Variants in PTGER4 observed in about 807,000 individuals in gnomAD.
PTGER4 encodes prostaglandin E2 receptor EP4 subtype.
A neutral mutation model predicts 33.2 loss-of-function variants in PTGER4; 11 were observed. The observed-to-expected ratio is 0.33, with a 90% confidence interval of 0.21 to 0.55. The LOEUF is 0.55. PTGER4 is among the 20% of genes least tolerant of loss of function. PTGER4 has a pLI of 0.92. For synonymous variants in PTGER4, 275 were observed against 281.5 expected, an observed-to-expected ratio of 0.98 and a Z score of 0.23; for missense variants, 481 against 650.2, an observed-to-expected ratio of 0.74 and a Z score of 2.83.
chr5:40,697,070 A>AAAGG (rs1237270035), downstream of PTGER4, among the ~76,000 whole-genome samples: 4 of 77,496 alleles, frequency 5.2e-5, no homozygotes, highest in East Asian at 7.3e-4. Flanking sequence ...GAAAAGAAAG[A>AAAGG]AAGGAAGGAA....
chr5:40,693,303 G>A lies in PTGER4; in HGVS notation c.*925G>A. On this transcript the variant is annotated 3_prime_UTR_variant, in exon 3 of 3. Transcript: ENST00000302472. ...CTTTAATAAATAACCCATAATTGAAGTGTATAATATAAAAAATTTTAAAAA... is the reference window on the plus strand; with the variant it reads ...CTTTAATAAATAACCCATAATTGAAATGTATAATATAAAAAATTTTAAAAA... The A allele has an allele frequency of 1.0e-6, 1 of 971,046 alleles. No homozygotes were observed. Among genetic ancestry groups the A allele is most frequent in the Non-Finnish European group, 1.2e-6 (1 of 816,772 alleles). 60.2% of individuals were successfully genotyped at this position (971,046 alleles called of 1,614,324 possible).
rs1246813860 is a variant in PTGER4 at position 40,691,961 on chromosome 5, C to A, written c.1050C>A (p.Arg350=). ...AGAAGATCAAATGCCTCTTCTGCCG[C>A]ATTGGCGGGTCCCGCAGGGAGCGCT... is the stretch of plus-strand genomic sequence containing the variant. ...AIEKIKCLFC[R]IGGSRRERSG... The change falls in exon 3 of 3, where the codon CGC becomes CGA. Residue 350 remains arginine (R), a synonymous_variant. Coordinates refer to ENST00000302472, the MANE Select transcript of PTGER4 (RefSeq NM_000958.3). The surrounding 1 kb of genome is among the most constrained non-coding windows in gnomAD (Gnocchi z 4.2). The A allele has an allele frequency of 1.2e-6, 2 of 1,614,202 alleles. No individual in the cohort carries two copies. The highest frequency in any genetic ancestry group is 2.2e-5 in the South Asian group (2 of 91,084).
downstream of PTGER4, chr5:40,696,771 T>C (rs1741589843): frequency 1.1e-6 from 1 of 908,296 alleles, no homozygotes; most frequent in South Asian, 5.1e-5. Flanking sequence ...TAGGTAAGTA[T>C]TTCTCTTTCT....
At position 40,691,421 on chromosome 5, in the gene PTGER4, C is replaced by G. The variant is rs1225150097; in HGVS notation, c.868-358C>G. Among the ~76,000 whole-genome samples the G allele has an allele frequency of 2.0e-5, 3 of 152,216 alleles. No individual in the cohort carries two copies. The highest frequency in any genetic ancestry group is 1.3e-4 in the Admixed American group (2 of 15,284). On this transcript the variant is annotated intron_variant, in intron 2 of 2. Coordinates refer to ENST00000302472, the MANE Select transcript of PTGER4 (RefSeq NM_000958.3). The surrounding 1 kb of genome is among the most constrained non-coding windows in gnomAD (Gnocchi z 4.2). ...GTTCTCAATCTCTTGACCTAGTGATCCGCCTACCTCGGCCTACCAAAATGC... is the reference window on the plus strand; with the variant it reads ...GTTCTCAATCTCTTGACCTAGTGATGCGCCTACCTCGGCCTACCAAAATGC...
chr5:40,744,396 A>C, the PTGER4 span, among the ~76,000 whole-genome samples: 7 of 152,212 alleles, frequency 4.6e-5, no homozygotes, highest in African/African-American at 1.4e-4. Flanking sequence ...TCAAAAATAA[A>C]AACAGACCTA....
At chr5:40,725,785 T>C in the PTGER4 span, among the ~76,000 whole-genome samples, 23 of 95,128 alleles carry the variant, frequency 2.4e-4, no homozygotes, top group African/African-American at 7.8e-4. Context: ...TCTCTTCAGC[T>C]TTTTTTTTTT....
At chr5:40,712,705 A>G in the PTGER4 span, among the ~76,000 whole-genome samples, 2 of 152,190 alleles carry the variant, frequency 1.3e-5, no homozygotes, top group Admixed American at 6.5e-5. Flanking sequence ...AGAGGCTAGC[A>G]TGCCCAGTTC....
the PTGER4 span, among the ~76,000 whole-genome samples, chr5:40,732,711 C>T: frequency 2.4e-4 from 37 of 152,010 alleles, no homozygotes; most frequent in Non-Finnish European, 4.4e-4. Flanking sequence ...CAGGTTCAAG[C>T]GATTCTCCTG....
the PTGER4 span, among the ~76,000 whole-genome samples, chr5:40,738,360 A>G: frequency 6.6e-6 from 1 of 151,702 alleles, no homozygotes. Flanking sequence ...GGTTGCAGTG[A>G]GCTGAGATCA....
At chr5:40,709,359 A>G in the PTGER4 span, among the ~76,000 whole-genome samples, 2 of 152,198 alleles carry the variant, frequency 1.3e-5, no homozygotes, top group Admixed American at 1.3e-4. Flanking sequence ...ATCAATGTGC[A>G]AAAATCACAA....
At chr5:40,739,932 G>A in the PTGER4 span, among the ~76,000 whole-genome samples, 1 of 151,762 alleles carries the variant, frequency 6.6e-6, no homozygotes, top group Non-Finnish European at 1.5e-5. Flanking sequence ...TACTACAAAT[G>A]GTGCTTTTTT....
chr5:40,709,353 A>C, the PTGER4 span, among the ~76,000 whole-genome samples: 1 of 152,218 alleles, frequency 6.6e-6, no homozygotes, highest in Non-Finnish European at 1.5e-5. Context: ...TACAAAATCA[A>C]TGTGCAAAAA....
intron 2 of PTGER4, chr5:40,685,571 T>A: frequency 4.1e-6 from 2 of 489,546 alleles, no homozygotes; most frequent in Non-Finnish European, 5.3e-6. Flanking sequence ...AAGGAAGTTT[T>A]AAATCATAAC....
chr5:40,731,596 T>C, the PTGER4 span, among the ~76,000 whole-genome samples: 1 of 152,156 alleles, frequency 6.6e-6, no homozygotes, highest in Non-Finnish European at 1.5e-5. Flanking sequence ...TATAAATCCA[T>C]AAGATCTCGT....
chr5:40,716,285 C>G, the PTGER4 span: 1 of 1,614,218 alleles, frequency 6.2e-7, no homozygotes, highest in Non-Finnish European at 8.5e-7. Flanking sequence ...TCAGCAATAG[C>G]TGCACAAACA....
chr5:40,720,113 T>C, the PTGER4 span, among the ~76,000 whole-genome samples: 9 of 152,322 alleles, frequency 5.9e-5, no homozygotes, highest in Admixed American at 1.3e-4. Context: ...AATATTAATA[T>C]ATTGCTGAGT....
At chr5:40,713,847 C>G in the PTGER4 span, among the ~76,000 whole-genome samples, 1 of 152,088 alleles carries the variant, frequency 6.6e-6, no homozygotes. Flanking sequence ...CAAGCTTAGT[C>G]TATGTTTGTA....
chr5:40,715,506 G>C, the PTGER4 span: 3 of 152,226 alleles, frequency 2.0e-5, no homozygotes, highest in Non-Finnish European at 2.9e-5. Flanking sequence ...AATACTGAAG[G>C]AGACAACTAT....
At chr5:40,746,068 C>A in the PTGER4 span, among the ~76,000 whole-genome samples, 1 of 152,128 alleles carries the variant, frequency 6.6e-6, no homozygotes, top group Non-Finnish European at 1.5e-5. Flanking sequence ...GTATTAGATA[C>A]AGACACAGTT....
Sources: allele counts gnomAD v4.1 joint callset (sites outside exome capture counted in the v4.1 genomes callset), GRCh38; gene constraint gnomAD v4.1.1; non-coding constraint Gnocchi (gnomAD v3.1); transcripts MANE v1.5; gene names NCBI Gene and HGNC (gene_info 2026-07-23, HGNC 2026-07-21).